The following LARGE1 variants were observed in gnomAD, a reference collection of about 807,000 sequenced individuals.
LARGE1 encodes the protein xylosyl- and glucuronyltransferase LARGE1.
LARGE1 carries 43 observed loss-of-function variants against 87.6 expected under a neutral mutation model. That is an observed-to-expected ratio of 0.49 (90% CI 0.38 to 0.63). LARGE1 has a LOEUF of 0.63. LARGE1 is among the 30% of genes least tolerant of loss of function. The pLI is 0.00. For missense variants in LARGE1, 802 were observed against 1,000.2 expected, an observed-to-expected ratio of 0.80 and a Z score of 2.67; for synonymous variants, 434 against 394.6, an observed-to-expected ratio of 1.10 and a Z score of -1.18.
At chr22:33,400,405 G>C (rs1435772855) in intron 7 of LARGE1, among the ~76,000 whole-genome samples, 1 of 152,202 alleles carries the variant, frequency 6.6e-6, no homozygotes, top group Non-Finnish European at 1.5e-5. Flanking sequence ...GGGAGGGATG[G>C]GAGGGTCTGA....
intron 6 of LARGE1, among the ~76,000 whole-genome samples, chr22:33,439,170 C>A (rs138469951): frequency 6.7e-6 from 1 of 150,294 alleles, no homozygotes; most frequent in Non-Finnish European, 1.5e-5. Context: ...ACCGAGACTG[C>A]GCCACTGCAC....
At chr22:33,625,652 A>C (rs2079897334) in intron 4 of LARGE1, among the ~76,000 whole-genome samples, 1 of 152,236 alleles carries the variant, frequency 6.6e-6, no homozygotes, top group African/African-American at 2.4e-5. Context: ...CAGAAGTCCA[A>C]GATCTTTTGA....
At chr22:33,149,235 G>C in the LARGE1 span, among the ~76,000 whole-genome samples, 2 of 151,678 alleles carry the variant, frequency 1.3e-5, no homozygotes, top group African/African-American at 4.8e-5. Context: ...GTAGAGACGG[G>C]GTTTCACTGT....
At chr22:33,846,334 A>G in intron 1 of LARGE1, among the ~76,000 whole-genome samples, 1 of 152,234 alleles carries the variant, frequency 6.6e-6, no homozygotes, top group South Asian at 2.1e-4. Flanking sequence ...TTGGACACTT[A>G]TCACTTCCCC....
chr22:33,829,525 G>A (rs73404896), intron 1 of LARGE1, among the ~76,000 whole-genome samples: 6,768 of 152,166 alleles, frequency 0.044, 502 homozygotes, highest in African/African-American at 0.16. Flanking sequence ...ACAGTTCCTG[G>A]CACACAGTAG....
chr22:33,498,157 T>C (rs1255708329), intron 6 of LARGE1, among the ~76,000 whole-genome samples: 1 of 152,180 alleles, frequency 6.6e-6, no homozygotes, highest in African/African-American at 2.4e-5. Flanking sequence ...AATGCTGGGA[T>C]TACAGGTGTG....
At chr22:33,830,084 A>C (rs1183587852) in intron 1 of LARGE1, among the ~76,000 whole-genome samples, 1 of 152,166 alleles carries the variant, frequency 6.6e-6, no homozygotes, top group East Asian at 1.9e-4. Flanking sequence ...CCACCAGTCA[A>C]CAAGGTCCTT....
chr22:33,607,533 A>G (rs1265916261), intron 4 of LARGE1, among the ~76,000 whole-genome samples: 2 of 151,496 alleles, frequency 1.3e-5, no homozygotes, highest in Non-Finnish European at 2.9e-5. Flanking sequence ...AGAGGATTTC[A>G]GGAGAACAGA....
chr22:33,876,979 C>T (rs539209467), intron 1 of LARGE1, among the ~76,000 whole-genome samples: 93 of 152,162 alleles, frequency 6.1e-4, no homozygotes, highest in Admixed American at 1.2e-3. Context: ...GCCCCCTTCA[C>T]CCAGGGCTGT....
intron 2 of LARGE1, among the ~76,000 whole-genome samples, chr22:33,723,089 C>A (rs186144756): frequency 3.3e-5 from 5 of 151,960 alleles, no homozygotes; most frequent in African/African-American, 9.7e-5. Context: ...GGAATCTATA[C>A]GAAAGGCTGG....
intron 3 of LARGE1, 110 bp from the exon 4 acceptor site, chr22:33,626,436 T>C (rs1010938936): frequency 1.7e-5 from 14 of 824,272 alleles, no homozygotes; most frequent in African/African-American, 9.9e-5. Flanking sequence ...GTTGGCATCA[T>C]TAGAAAACAA....
intron 2 of LARGE1, among the ~76,000 whole-genome samples, chr22:33,713,848 T>C (rs1037637381): frequency 6.6e-6 from 1 of 152,042 alleles, no homozygotes; most frequent in Non-Finnish European, 1.5e-5. Flanking sequence ...CCCAGCTATT[T>C]AGGAGGCTGA....
the LARGE1 span, among the ~76,000 whole-genome samples, chr22:33,076,687 T>C: frequency 6.6e-6 from 1 of 152,170 alleles, no homozygotes; most frequent in Admixed American, 6.5e-5. Context: ...CATAAAAGCC[T>C]ACAGATCTGT....
the LARGE1 span, among the ~76,000 whole-genome samples, chr22:33,102,701 G>T: frequency 2.0e-5 from 3 of 151,642 alleles, no homozygotes; most frequent in African/African-American, 7.3e-5. Flanking sequence ...ATGTTGAGCA[G>T]GCTAGTCTTG....
chr22:33,684,573 T>C (rs2081887785), intron 2 of LARGE1, among the ~76,000 whole-genome samples: 1 of 152,182 alleles, frequency 6.6e-6, no homozygotes, highest in Non-Finnish European at 1.5e-5. Flanking sequence ...ATTGGTTGCC[T>C]GTAACTCCAT....
chr22:33,092,507 G>A, the LARGE1 span, among the ~76,000 whole-genome samples: 2 of 152,024 alleles, frequency 1.3e-5, no homozygotes, highest in African/African-American at 2.4e-5. Context: ...GGATGTGCAT[G>A]TTTGTTACAC....
At chr22:33,607,547 T>C in intron 4 of LARGE1, among the ~76,000 whole-genome samples, 1 of 149,382 alleles carries the variant, frequency 6.7e-6, no homozygotes, top group Non-Finnish European at 1.5e-5. Context: ...GAACAGATAT[T>C]AGATATGAGA....
At chr22:33,564,451 T>C (rs1028552991) in intron 6 of LARGE1, among the ~76,000 whole-genome samples, 2 of 152,192 alleles carry the variant, frequency 1.3e-5, no homozygotes, top group Non-Finnish European at 2.9e-5. Flanking sequence ...AAAAGCCATA[T>C]GAACATTTTC....
At chr22:33,224,913 GA>G (rs1925655813) in intron 11 of LARGE1, among the ~76,000 whole-genome samples, 1 of 152,254 alleles carries the variant, frequency 6.6e-6, no homozygotes, top group Non-Finnish European at 1.5e-5. Flanking sequence ...GAGGACAAGG[GA>G]AAAGAGATTG....
Sources: allele counts gnomAD v4.1 joint callset (sites outside exome capture counted in the v4.1 genomes callset), GRCh38; gene constraint gnomAD v4.1.1; transcripts MANE v1.5; gene names NCBI Gene and HGNC (gene_info 2026-07-23, HGNC 2026-07-21).